TMEM209: variants seen among roughly 807,000 people sequenced by gnomAD.
TMEM209 encodes the protein transmembrane protein 209, also known as testicular tissue protein Li 202.
TMEM209 carries 65 observed loss-of-function variants against 76.2 expected under a neutral mutation model. That is an observed-to-expected ratio of 0.85 (90% CI 0.70 to 1.05). TMEM209 has a LOEUF of 1.05. TMEM209 is among the 50% of genes least tolerant of loss of function. The pLI is 0.00. For synonymous variants in TMEM209, 239 were observed against 237.6 expected (o/e 1.01, Z -0.06); for missense variants, 623 against 685.5 (o/e 0.91, Z 1.02).
chr7:130,203,014 G>A (rs1168972039), intron 3 of TMEM209, among the ~76,000 whole-genome samples: 1 of 151,870 alleles, frequency 6.6e-6, no homozygotes, highest in East Asian at 1.9e-4. Context: ...GCTTGAACCT[G>A]GGAGGTGGAG....
chr7:130,186,787 C>T (rs550451345), intron 6 of TMEM209, among the ~76,000 whole-genome samples: 1 of 152,092 alleles, frequency 6.6e-6, no homozygotes, highest in East Asian at 1.9e-4. Flanking sequence ...ACCATCACCA[C>T]CACCACCACC....
At position 130,165,300 on chromosome 7, in the gene TMEM209, A is replaced by G. The variant is rs1395612705; in HGVS notation, c.*1151T>C. 1 of 152,238 alleles carries G rather than the reference A, an allele frequency of 6.6e-6. No individual in the cohort carries two copies. The allele number at this position is 152,238 out of a possible 1,614,324, so 9.4% of individuals were successfully genotyped here. The stretch of plus-strand genomic sequence containing the variant: ...AATATATGCAATTGCCAGCTACTAC[A>G]TATACAGAAAATAAAGATGGTGAGT... On this transcript the variant is annotated 3_prime_UTR_variant, in exon 15 of 15. Coordinates refer to ENST00000397622, the MANE Select transcript of TMEM209 (RefSeq NM_032842.4).
chr7:130,185,295 G>A lies in TMEM209; in HGVS notation c.848C>T (p.Ala283Val), dbSNP rs1486701601. 2 of 1,613,884 alleles carry A rather than the reference G, an allele frequency of 1.2e-6. No homozygotes were observed. The highest frequency in any genetic ancestry group is 2.2e-5 in the East Asian group (1 of 44,894). The change falls in exon 7 of 15, where the codon GCA becomes GTA. Residue 283 changes from alanine (A) to valine (V), a missense_variant. Physicochemically the swap from Ala to Val is moderately conservative, Grantham distance 64 (BLOSUM62 0). Transcript: ENST00000397622. ...WNYSRSMGDY[A>V]QTLKKFQYQL... ...ATACTGAAACTTCTTTAAAGTTTGT[G>A]CATAATCCCCCATAGAACGACTATA... is the stretch of plus-strand genomic sequence containing the variant.
chr7:130,190,831 T>C (rs1797768781), intron 6 of TMEM209, among the ~76,000 whole-genome samples: 1 of 152,010 alleles, frequency 6.6e-6, no homozygotes, highest in African/African-American at 2.4e-5. Flanking sequence ...ACCCGGTCTC[T>C]ACTAAAAACA....
intron 10 of TMEM209, among the ~76,000 whole-genome samples, chr7:130,177,099 T>A (rs1160829896): frequency 6.6e-6 from 1 of 150,816 alleles, no homozygotes; most frequent in African/African-American, 2.4e-5. Context: ...ACGCCTGTAA[T>A]CCCAGCACTT....
chr7:130,171,712 T>C lies in TMEM209; in HGVS notation c.1558-1239A>G, dbSNP rs556047526. 4.6e-5 allele frequency among the ~76,000 whole-genome samples: 7 copies of C among 152,316 alleles called. No homozygotes were observed. In the South Asian group the frequency reaches 6.2e-4, roughly 14 times the overall value. On this transcript the variant is annotated intron_variant, in intron 13 of 14. Coordinates refer to ENST00000397622, the MANE Select transcript of TMEM209 (RefSeq NM_032842.4). Reference sequence around the variant, plus strand: ...GTAACAAAAATAATTGTAAAGGTTATCAACAGAACTGATGCTTGTAATTAA... The same window carrying C: ...GTAACAAAAATAATTGTAAAGGTTACCAACAGAACTGATGCTTGTAATTAA...
At chr7:130,183,266 TACAAA>T in intron 8 of TMEM209, among the ~76,000 whole-genome samples, 1 of 152,142 alleles carries the variant, frequency 6.6e-6, no homozygotes, top group African/African-American at 2.4e-5. Flanking sequence ...TGACAAATGG[TACAAA>T]AGAGTACAGC....
At chr7:130,183,005 T>C (rs1243309724) in intron 8 of TMEM209, among the ~76,000 whole-genome samples, 9 of 152,228 alleles carry the variant, frequency 5.9e-5, no homozygotes, top group African/African-American at 2.2e-4. Flanking sequence ...CAGGTATACA[T>C]GTATTGCTTA....
intron 8 of TMEM209, among the ~76,000 whole-genome samples, chr7:130,183,973 TAAC>T (rs1437081667): frequency 2.0e-5 from 3 of 152,066 alleles, no homozygotes; most frequent in Non-Finnish European, 4.4e-5. Context: ...TCTCAAAACA[TAAC>T]AATTCACTAA....
Position 130,170,606 on chromosome 7 carries a change from T to C in TMEM209, c.1558-133A>G. The C allele has an allele frequency of 5.6e-6, 4 of 708,366 alleles. No individual in the cohort carries two copies. In the South Asian group the frequency reaches 7.7e-5, roughly 14 times the overall value. 43.9% of individuals were successfully genotyped at this position (708,366 alleles called of 1,614,324 possible). A position where few individuals can be genotyped will look rare whatever the true frequency, so the allele number is the denominator to read the frequency against. ...ATAATTCAGACTTTCATTTATTTAT[T>C]AAACAAAGTACCTACGCTTTGTGCT... is the stretch of plus-strand genomic sequence containing the variant. On this transcript the variant is annotated intron_variant, in intron 13 of 14. Transcript: ENST00000397622.
intron 6 of TMEM209, among the ~76,000 whole-genome samples, chr7:130,186,610 G>GTAT (rs1797607278): frequency 6.6e-6 from 1 of 152,098 alleles, no homozygotes; most frequent in African/African-American, 2.4e-5. Context: ...TTTAAGAAAC[G>GTAT]TAAGTTTTCT....
chr7:130,184,154 T>C, intron 8 of TMEM209, 30 bp downstream of exon 8: 1 of 1,491,774 alleles, frequency 6.7e-7, no homozygotes, highest in Non-Finnish European at 9.2e-7. Flanking sequence ...GAGGCACTAA[T>C]ATTGTCCAAA....
chr7:130,170,539 A>C, intron 13 of TMEM209, 66 bp from the exon 14 acceptor site: 1 of 1,259,138 alleles, frequency 7.9e-7, no homozygotes, highest in Non-Finnish European at 1.1e-6. Flanking sequence ...GTAGGTAAAT[A>C]CATATCTTAT....
intron 9 of TMEM209, 45 bp downstream of exon 9, chr7:130,181,578 A>G (rs531252802): frequency 1.1e-4 from 163 of 1,520,336 alleles, no homozygotes; most frequent in Non-Finnish European, 1.5e-4. Flanking sequence ...TCCACTTGGT[A>G]GATTTACTAA....
intron 5 of TMEM209, 38 bp from the exon 6 acceptor site, chr7:130,192,861 AATTGAAATTCAT>A (rs1455159630): frequency 1.9e-6 from 3 of 1,581,026 alleles, no homozygotes; most frequent in Non-Finnish European, 2.6e-6. Flanking sequence ...ATTTTTCTTT[AATTGAAATTCAT>A]TTTGTTTTGG....
intron 5 of TMEM209, among the ~76,000 whole-genome samples, chr7:130,197,139 A>G (rs80251611): frequency 8.5e-5 from 13 of 152,332 alleles, no homozygotes; most frequent in Non-Finnish European, 1.8e-4. Flanking sequence ...CTTGATATAT[A>G]CCCAGAACTG....
At chr7:130,170,749 AGAG>A (rs555196617) in intron 13 of TMEM209, among the ~76,000 whole-genome samples, 100 of 152,280 alleles carry the variant, frequency 6.6e-4, no homozygotes, top group Non-Finnish European at 1.2e-3. Flanking sequence ...GAATGCTATG[AGAG>A]GAGGTGCCAT....
chr7:130,174,713 T>C (rs1009632249), intron 11 of TMEM209, among the ~76,000 whole-genome samples: 1 of 152,230 alleles, frequency 6.6e-6, no homozygotes, highest in Admixed American at 6.5e-5. Context: ...GGAGTCTCTC[T>C]TAAAGTGACA....
intron 5 of TMEM209, 133 bp downstream of exon 5, chr7:130,201,717 C>T (rs1161600081): frequency 5.5e-6 from 6 of 1,099,166 alleles, no homozygotes; most frequent in Admixed American, 2.7e-5. Flanking sequence ...GTTCTATTCT[C>T]GGTTTTTAAA....
Sources: allele counts gnomAD v4.1 joint callset (sites outside exome capture counted in the v4.1 genomes callset), GRCh38; gene constraint gnomAD v4.1.1; transcripts MANE v1.5; gene names NCBI Gene and HGNC (gene_info 2026-07-23, HGNC 2026-07-21).